Variants in PCDHGA3 observed in about 807,000 individuals in gnomAD.
PCDHGA3 encodes protocadherin gamma-A3.
Under a neutral mutation model 58.5 loss-of-function variants are expected in PCDHGA3, and 40 were observed. The ratio of observed to expected loss-of-function variants is 0.68; its 90% CI spans 0.53 to 0.89. The LOEUF is 0.89. PCDHGA3 is among the 40% of genes least tolerant of loss of function. The pLI is 0.00. For missense variants in PCDHGA3, 1,223 were observed against 1,195.9 expected (o/e 1.02, Z -0.33); for synonymous variants, 530 against 525.7 (o/e 1.01, Z -0.11).
intron 1 of PCDHGA3, among the ~76,000 whole-genome samples, chr5:141,397,772 A>G (rs1352118170): frequency 6.6e-6 from 1 of 152,238 alleles, no homozygotes; most frequent in Non-Finnish European, 1.5e-5. Context: ...TATTAAGTAT[A>G]TGGACGTAAA....
chr5:141,400,571 C>T (rs781701893), intron 1 of PCDHGA3: 1 of 1,612,704 alleles, frequency 6.2e-7, no homozygotes, highest in South Asian at 1.1e-5. Context: ...ACCCAATTTT[C>T]TGTATTTACA....
At chr5:141,421,489 G>A in intron 1 of PCDHGA3, 1 of 1,614,094 alleles carries the variant, frequency 6.2e-7, no homozygotes, top group Non-Finnish European at 8.5e-7. Flanking sequence ...CTTGATCACG[G>A]CAGGCAGGAT....
At chr5:141,371,123 TC>T in intron 1 of PCDHGA3, 1 of 1,613,954 alleles carries the variant, frequency 6.2e-7, no homozygotes, top group Non-Finnish European at 8.5e-7. Flanking sequence ...CAGTATTTAC[TC>T]AGGACATGTA....
chr5:141,360,028 A>G (rs941098912), intron 1 of PCDHGA3: 3 of 1,360,158 alleles, frequency 2.2e-6, no homozygotes, highest in Non-Finnish European at 2.9e-6. Context: ...AGGCCAGTAT[A>G]GATTCGGAAA....
Position 141,430,867 on chromosome 5 carries a change from G to T in PCDHGA3, c.2425-63940G>T, listed in dbSNP as rs1157718106. ...GCACCCAGATACGCTATTCAGTTCC[G>T]GAAGAGCTGGAGAAAGGCTCTAGGG... On this transcript the variant is annotated intron_variant, in intron 1 of 3. Coordinates refer to ENST00000253812, the MANE Select transcript of PCDHGA3 (RefSeq NM_018916.4). 2.5e-6 allele frequency: 4 copies of T among 1,596,238 alleles called. No individual in the cohort carries two copies. In the East Asian group the frequency reaches 8.9e-5, roughly 36 times the overall value.
chr5:141,426,848 C>T (rs1379697529), intron 1 of PCDHGA3: 3 of 456,552 alleles, frequency 6.6e-6, no homozygotes, highest in Admixed American at 4.7e-5. Context: ...AAGGCAAGAA[C>T]GCTCCAGAAT....
chr5:141,409,038 A>G (rs571756448), intron 1 of PCDHGA3: 9 of 1,614,026 alleles, frequency 5.6e-6, no homozygotes, highest in Non-Finnish European at 7.6e-6. Flanking sequence ...GAGATAAACT[A>G]CTACTTCCGA....
At chr5:141,478,256 A>G in intron 1 of PCDHGA3, 6 of 1,614,126 alleles carry the variant, frequency 3.7e-6, no homozygotes, top group Non-Finnish European at 5.1e-6. Flanking sequence ...CGGAGTAATC[A>G]TATTCAAAGT....
Position 141,476,645 on chromosome 5 carries a change from A to C in PCDHGA3, c.2425-18162A>C. 1 of 1,614,246 alleles carries C rather than the reference A, an allele frequency of 6.2e-7. No homozygotes were observed. The highest frequency in any genetic ancestry group is 8.5e-7 in the Non-Finnish European group (1 of 1,180,052). On this transcript the variant is annotated intron_variant, in intron 1 of 3. Coordinates refer to ENST00000253812, the MANE Select transcript of PCDHGA3 (RefSeq NM_018916.4). The surrounding 1 kb of genome is among the most constrained non-coding windows in gnomAD (Gnocchi z 7.6). ...TTTACAAACCTATGAGCTGAGCCGA[A>C]ATGAATACTTTGCGCTTCGCGTGCA...
chr5:141,383,971 G>GAA, intron 1 of PCDHGA3: 1 of 1,613,662 alleles, frequency 6.2e-7, no homozygotes, highest in African/African-American at 1.3e-5. Context: ...CTCAATCCCT[G>GAA]AAGACACACC....
rs745658462 is a variant in PCDHGA3 at position 141,414,720 on chromosome 5, T to C, written c.2424+68263T>C. 6 of 1,614,132 alleles carry C rather than the reference T, an allele frequency of 3.7e-6. No homozygotes were observed. The East Asian group carries it at 1.3e-4, about 36-fold the overall frequency. ...CATACATATCCATCAACTCAGACAC[T>C]GGCGTCCTGTATGCACTCAGATCCT... On this transcript the variant is annotated intron_variant, in intron 1 of 3. Coordinates refer to ENST00000253812, the MANE Select transcript of PCDHGA3 (RefSeq NM_018916.4).
At position 141,486,785 on chromosome 5, in the gene PCDHGA3, C is replaced by T. The variant is rs763174232; in HGVS notation, c.2425-8022C>T. 1.2e-5 allele frequency: 20 copies of T among 1,614,102 alleles called. No homozygotes were observed. The highest frequency in any genetic ancestry group is 5.3e-5 in the African/African-American group (4 of 74,936). On this transcript the variant is annotated intron_variant, in intron 1 of 3. Transcript: ENST00000253812. This position sits in a 1 kb window ranked among gnomAD's most constrained non-coding sequence, Gnocchi z 5.0. ...GACACTGCAGTTTGAGGTGCAGGCC[C>T]GGGATCGGGGCAACCCACCCCTTAG...
At chr5:141,367,805 G>T (rs1765340857) in intron 1 of PCDHGA3, 1 of 152,034 alleles carries the variant, frequency 6.6e-6, no homozygotes. Context: ...TTCTGTTATA[G>T]ATAAACCCTT....
intron 1 of PCDHGA3, among the ~76,000 whole-genome samples, chr5:141,448,316 T>C (rs1042171540): frequency 6.6e-6 from 1 of 152,174 alleles, no homozygotes; most frequent in Non-Finnish European, 1.5e-5. Flanking sequence ...AGGAATCTTT[T>C]CTTTGAATCT....
At chr5:141,437,225 T>C (rs943242286) in intron 1 of PCDHGA3, among the ~76,000 whole-genome samples, 2 of 152,240 alleles carry the variant, frequency 1.3e-5, no homozygotes, top group Admixed American at 1.3e-4. Flanking sequence ...ATTCCAGTCA[T>C]AAAATTATGT....
At chr5:141,365,300 G>A in intron 1 of PCDHGA3, 1 of 1,614,010 alleles carries the variant, frequency 6.2e-7, no homozygotes, top group South Asian at 1.1e-5. Flanking sequence ...AGCTCAGGAT[G>A]GAGGCGCTCT....
At chr5:141,361,450 A>T in intron 1 of PCDHGA3, 1 of 1,613,960 alleles carries the variant, frequency 6.2e-7, no homozygotes, top group East Asian at 2.2e-5. Flanking sequence ...CATAATTGTC[A>T]CCCTGCACAT....
At chr5:141,430,425 A>G (rs1298131518) in intron 1 of PCDHGA3, among the ~76,000 whole-genome samples, 3 of 152,076 alleles carry the variant, frequency 2.0e-5, no homozygotes, top group Non-Finnish European at 4.4e-5. Context: ...TAAAGCGAAT[A>G]CGGTAGATTT....
intron 1 of PCDHGA3, chr5:141,398,687 A>T (rs940121215): frequency 1.9e-6 from 3 of 1,613,940 alleles, no homozygotes; most frequent in Non-Finnish European, 2.5e-6. Context: ...GAGAAACAGG[A>T]TGGTAGTAAA....
Sources: allele counts gnomAD v4.1 joint callset (sites outside exome capture counted in the v4.1 genomes callset), GRCh38; gene constraint gnomAD v4.1.1; non-coding constraint Gnocchi (gnomAD v3.1); transcripts MANE v1.5; gene names NCBI Gene and HGNC (gene_info 2026-07-23, HGNC 2026-07-21).